THSD7B: variants seen among roughly 807,000 people sequenced by gnomAD.
THSD7B encodes the protein thrombospondin type 1 domain containing 7B, also known as thrombospondin type-1 domain-containing protein 7B.
In THSD7B, 138 loss-of-function variants were observed where a neutral mutation model predicts 213.6. The observed-to-expected ratio is 0.65, with a 90% CI of 0.56 to 0.74. The LOEUF (loss-of-function observed/expected upper bound fraction) is 0.74. THSD7B is among the 30% of genes least tolerant of loss of function. The pLI is 0.00. For synonymous variants in THSD7B, 742 were observed against 687.0 expected, an observed-to-expected ratio of 1.08 and a Z score of -1.25; for missense variants, 1,931 against 1,991.5, an observed-to-expected ratio of 0.97 and a Z score of 0.58.
At position 137,331,831 on chromosome 2, in the gene THSD7B, C is replaced by T. The variant is rs1448102725; in HGVS notation, c.2500+55805C>T. 4.6e-5 allele frequency among the ~76,000 whole-genome samples: 7 copies of T among 152,304 alleles called. No individual in the cohort carries two copies. The South Asian group carries it at 6.2e-4, about 14-fold the overall frequency. On this transcript the variant is annotated intron_variant, in intron 12 of 27. Transcript: ENST00000409968. ...GTACTGCTGGGGGACCCAGTACACCCTCCGCAGCCGCTGGCCCGGGTGCTA... is the reference window on the plus strand; with the variant it reads ...GTACTGCTGGGGGACCCAGTACACCTTCCGCAGCCGCTGGCCCGGGTGCTA...
intron 15 of THSD7B, among the ~76,000 whole-genome samples, chr2:137,492,364 C>A (rs1160039712): frequency 6.6e-6 from 1 of 152,146 alleles, no homozygotes; most frequent in Non-Finnish European, 1.5e-5. Context: ...AGTCTCTTAC[C>A]ATGCCTCTCC....
intron 12 of THSD7B, among the ~76,000 whole-genome samples, chr2:137,278,769 C>T (rs1464133574): frequency 6.6e-6 from 1 of 152,110 alleles, no homozygotes; most frequent in Non-Finnish European, 1.5e-5. Context: ...CAGGTTTGAC[C>T]TGGACAACTG....
At chr2:137,411,443 G>A (rs1244166087) in intron 13 of THSD7B, among the ~76,000 whole-genome samples, 166 bp from the exon 14 acceptor site, 1 of 152,240 alleles carries the variant, frequency 6.6e-6, no homozygotes, top group South Asian at 2.1e-4. Context: ...GTTGTTCTGG[G>A]AGTTGTTTCC....
chr2:137,450,125 G>A (rs1229910325), intron 14 of THSD7B, among the ~76,000 whole-genome samples: 3 of 150,720 alleles, frequency 2.0e-5, no homozygotes, highest in African/African-American at 7.3e-5. Context: ...ATAGAATTTA[G>A]TGGAGAGATC....
chr2:137,485,283 T>C (rs1234544764), intron 15 of THSD7B, among the ~76,000 whole-genome samples: 1 of 148,144 alleles, frequency 6.8e-6, no homozygotes, highest in African/African-American at 2.5e-5. Context: ...TAGGGAATCC[T>C]TTCCCCATTG....
chr2:137,314,664 G>T (rs1684035699), intron 12 of THSD7B, among the ~76,000 whole-genome samples: 1 of 152,170 alleles, frequency 6.6e-6, no homozygotes, highest in Non-Finnish European at 1.5e-5. Context: ...TTTGATGATA[G>T]TGATGTACAG....
intron 12 of THSD7B, among the ~76,000 whole-genome samples, chr2:137,282,454 G>T (rs1683049168): frequency 1.3e-5 from 2 of 152,268 alleles, no homozygotes; most frequent in South Asian, 4.1e-4. Flanking sequence ...ATTGCTTTTG[G>T]TGTTTTAGAC....
At chr2:137,012,928 A>C (rs1425577558) in intron 2 of THSD7B, among the ~76,000 whole-genome samples, 2 of 152,216 alleles carry the variant, frequency 1.3e-5, no homozygotes, top group African/African-American at 2.4e-5. Context: ...GTATAGACTT[A>C]ACCTGAGAAA....
At chr2:137,028,962 C>G (rs1686607258) in intron 2 of THSD7B, among the ~76,000 whole-genome samples, 1 of 151,614 alleles carries the variant, frequency 6.6e-6, no homozygotes, top group Non-Finnish European at 1.5e-5. Flanking sequence ...TGTTAATATT[C>G]TAGTTTATTT....
chr2:137,534,992 C>T (rs571840984), intron 15 of THSD7B, among the ~76,000 whole-genome samples: 88 of 150,378 alleles, frequency 5.9e-4, no homozygotes, highest in African/African-American at 1.8e-3. Flanking sequence ...GCATAAAAAT[C>T]CCTATTTTTC....
chr2:137,173,725 T>C (rs1423027161), intron 7 of THSD7B, among the ~76,000 whole-genome samples: 1 of 152,206 alleles, frequency 6.6e-6, no homozygotes, highest in Non-Finnish European at 1.5e-5. Context: ...TCTTTTGTTC[T>C]GTGTGAAACT....
At chr2:136,880,275 T>C (rs150969791) in intron 1 of THSD7B, among the ~76,000 whole-genome samples, 22 of 152,300 alleles carry the variant, frequency 1.4e-4, no homozygotes, top group East Asian at 1.9e-4. Context: ...TTTCTTTTCC[T>C]TGGCCACTAG....
intron 21 of THSD7B, 81 bp from the exon 22 acceptor site, chr2:137,655,420 C>A: frequency 3.5e-6 from 5 of 1,449,002 alleles, no homozygotes; most frequent in Non-Finnish European, 4.6e-6. Flanking sequence ...CTATGGTCTT[C>A]TTAGGCAAGA....
At chr2:136,794,886 G>A (rs1284984984) in intron 1 of THSD7B, among the ~76,000 whole-genome samples, 1 of 151,812 alleles carries the variant, frequency 6.6e-6, no homozygotes, top group African/African-American at 2.4e-5. Context: ...CAGTTAAATT[G>A]ACACTTGTAC....
intron 2 of THSD7B, among the ~76,000 whole-genome samples, chr2:136,920,666 T>C (rs1305482828): frequency 6.6e-6 from 1 of 152,110 alleles, no homozygotes; most frequent in Non-Finnish European, 1.5e-5. Flanking sequence ...GTTTCACTGG[T>C]AAGCTACCCC....
intron 2 of THSD7B, among the ~76,000 whole-genome samples, chr2:136,917,868 G>A (rs1281706536): frequency 1.3e-5 from 2 of 152,158 alleles, no homozygotes; most frequent in East Asian, 3.8e-4. Context: ...AAAGTCTCAA[G>A]TATAGTATCC....
chr2:137,614,785 T>A (rs1417427835), intron 17 of THSD7B, among the ~76,000 whole-genome samples: 1 of 152,164 alleles, frequency 6.6e-6, no homozygotes, highest in Non-Finnish European at 1.5e-5. Context: ...GTATCAATGG[T>A]CCAAACTTTT....
At chr2:136,874,454 T>G (rs1438561392) in intron 1 of THSD7B, among the ~76,000 whole-genome samples, 2 of 152,210 alleles carry the variant, frequency 1.3e-5, no homozygotes, top group African/African-American at 4.8e-5. Flanking sequence ...AGCCATCTTC[T>G]CTGCACAGTT....
At chr2:136,996,402 C>T (rs1045765971) in intron 2 of THSD7B, among the ~76,000 whole-genome samples, 17 of 151,548 alleles carry the variant, frequency 1.1e-4, no homozygotes, top group Non-Finnish European at 1.3e-4. Context: ...AGTGCCGTGA[C>T]GCAATTACAG....
Sources: allele counts gnomAD v4.1 joint callset (sites outside exome capture counted in the v4.1 genomes callset), GRCh38; gene constraint gnomAD v4.1.1; transcripts MANE v1.5; gene names NCBI Gene and HGNC (gene_info 2026-07-23, HGNC 2026-07-21).